Variants in TMEM25 observed in about 807,000 individuals in gnomAD.
TMEM25 encodes 0610039J01Rik.
TMEM25 carries 36 observed loss-of-function variants against 37.0 expected under a neutral mutation model. The ratio of observed to expected loss-of-function variants is 0.97; its 90% CI spans 0.75 to 1.28. The LOEUF is 1.28. Ranked by LOEUF, TMEM25 falls within the 50% of genes most tolerant of loss-of-function variation. The pLI is 0.00. For synonymous variants in TMEM25, 197 were observed against 203.7 expected, an observed-to-expected ratio of 0.97 and a Z score of 0.28; for missense variants, 444 against 477.9, an observed-to-expected ratio of 0.93 and a Z score of 0.66.
Position 118,534,192 on chromosome 11 carries a change from A to C in TMEM25, c.937+63A>C. The C allele has an allele frequency of 8.1e-6, 13 of 1,613,270 alleles. No homozygotes were observed. Among genetic ancestry groups the C allele is most frequent in the Non-Finnish European group, 1.0e-5 (12 of 1,179,350 alleles). Reference sequence around the variant, plus strand: ...TCCAGAAGTGCTTCTGAGAAAAAGAACTTGGTGCTTGGGAGGGGCGAGGCC... The same window carrying C: ...TCCAGAAGTGCTTCTGAGAAAAAGACCTTGGTGCTTGGGAGGGGCGAGGCC... On this transcript the variant is annotated intron_variant, in intron 7 of 8. Transcript: ENST00000313236. The surrounding 1 kb of genome is among the most constrained non-coding windows in gnomAD (Gnocchi z 4.6).
downstream of TMEM25, among the ~76,000 whole-genome samples, chr11:118,538,607 T>A (rs936947393): frequency 2.8e-4 from 43 of 151,924 alleles, no homozygotes; most frequent in African/African-American, 1.0e-3. Context: ...TTTTGAGAAA[T>A]GTCGGCCAGG....
rs782414212 is a variant in TMEM25, at chr11:118,533,047, A to G, written c.513A>G (p.Pro171=). 1 of 1,614,210 alleles carries G rather than the reference A, an allele frequency of 6.2e-7. No individual in the cohort carries two copies. Among genetic ancestry groups the G allele is most frequent in the Non-Finnish European group, 8.5e-7 (1 of 1,180,032 alleles). The change falls in exon 4 of 9, where the codon CCA becomes CCG. Residue 171 remains proline (P), a synonymous_variant. Coordinates refer to ENST00000313236, the MANE Select transcript of TMEM25 (RefSeq NM_032780.4). ...TCACCTGGATCGACCAGGATGGGCC[A>G]GTGACTGTCAACACCTCTGACTTCC... ...ANVTWIDQDG[P]VTVNTSDFLV... is the part of the protein sequence containing the mutation.
chr11:118,543,158 G>A (rs988903232), intron 8 of TMEM25, among the ~76,000 whole-genome samples: 10 of 152,146 alleles, frequency 6.6e-5, no homozygotes, highest in Admixed American at 3.3e-4. Flanking sequence ...CAGGAGAATC[G>A]CTTGAACCCG....
At position 118,535,611 on chromosome 11, in the gene TMEM25, A is replaced by G. The variant is rs1392554309; in HGVS notation, c.*1031A>G. On this transcript the variant is annotated 3_prime_UTR_variant, in exon 9 of 9. Coordinates refer to ENST00000313236, the MANE Select transcript of TMEM25 (RefSeq NM_032780.4). Reference sequence around the variant, plus strand: ...GATGGTCGCCACAGGCACATAATTCAACAGTGTGGAAGCTTTAGGGGAACA... The same window carrying G: ...GATGGTCGCCACAGGCACATAATTCGACAGTGTGGAAGCTTTAGGGGAACA... The G allele has an allele frequency of 6.5e-6, 10 of 1,529,318 alleles. No individual in the cohort carries two copies. Among genetic ancestry groups the G allele is most frequent in the Non-Finnish European group, 8.7e-6 (10 of 1,144,632 alleles). 94.7% of individuals were successfully genotyped at this position (1,529,318 alleles called of 1,614,324 possible).
At position 118,533,191 on chromosome 11, in the gene TMEM25, GT is replaced by G. The variant is rs1565333299; in HGVS notation, c.658del (p.Ser220ArgfsTer57). 1 of 1,598,492 alleles carries G rather than the reference GT, an allele frequency of 6.3e-7. No individual in the cohort carries two copies. Among genetic ancestry groups the G allele is most frequent in the East Asian group, 2.2e-5 (1 of 44,806 alleles). On this transcript the variant is annotated frameshift_variant, in exon 4 of 9. Transcript: ENST00000313236. LOFTEE classifies it high-confidence loss of function. Reference protein sequence around the residue: ...ATNDVGVTSASLPAPGLLATR... With the variant: ...ATNDVGVTSAXLPAPGLLATR... Reference sequence around the variant, plus strand: ...CCAATGACGTGGGTGTCACCAGTGCGTCGCTTCCAGCCCCAGGTGAGCATGG... The same window carrying G: ...CCAATGACGTGGGTGTCACCAGTGCGCGCTTCCAGCCCCAGGTGAGCATGG...
At chr11:118,538,325 C>T (rs932128840), downstream of TMEM25, among the ~76,000 whole-genome samples, 4 of 151,716 alleles carry the variant, frequency 2.6e-5, no homozygotes, top group Admixed American at 1.3e-4. Context: ...GCGTGCACCA[C>T]GCCTGGCTAA....
intron 1 of TMEM25, 185 bp downstream of exon 1, chr11:118,531,419 A>C: frequency 2.5e-6 from 1 of 404,682 alleles, no homozygotes. Flanking sequence ...GAATAGGATT[A>C]GGAGAAAGGC....
downstream of TMEM25, among the ~76,000 whole-genome samples, chr11:118,536,930 A>T (rs1343419070): frequency 6.6e-6 from 1 of 152,188 alleles, no homozygotes; most frequent in African/African-American, 2.4e-5. Flanking sequence ...GCTGGAGTGC[A>T]GTGGTGCAAT....
Position 118,534,020 on chromosome 11 carries a change from T to A in TMEM25, c.837-9T>A. 6.2e-7 allele frequency: 1 copy of A among 1,614,000 alleles called. No individual in the cohort carries two copies. The highest frequency in any genetic ancestry group is 1.1e-5 in the South Asian group (1 of 91,078). On this transcript the variant is annotated splice_polypyrimidine_tract_variant and intron_variant, in intron 6 of 8. Transcript: ENST00000313236. The surrounding 1 kb of genome is among the most constrained non-coding windows in gnomAD (Gnocchi z 4.6). ...CTCATATCCATCCCGAACTTTGTCC[T>A]CCCTGTAGTGACTCCAACAACCTAA... is the stretch of plus-strand genomic sequence containing the variant.
At position 118,532,162 on chromosome 11, in the gene TMEM25, T is replaced by C. The variant is rs782729825; in HGVS notation, c.83T>C (p.Leu28Ser). ...PALLSSGWGE[L>S]EPQIDGQTWA... ...TGCTGTGTTCCAGGTTGGGGGGAGT[T>C]GGAGCCACAAATAGATGGTCAGACC... The change falls in exon 3 of 9, where the codon TTG becomes TCG. Residue 28 changes from leucine to serine, a missense_variant. By Grantham distance (145) the Leu-to-Ser change is moderately radical. Coordinates refer to ENST00000313236, the MANE Select transcript of TMEM25 (RefSeq NM_032780.4). The C allele has an allele frequency of 5.7e-6, 9 of 1,568,514 alleles. No homozygotes were observed. In the Admixed American group the frequency reaches 8.8e-5, roughly 15 times the overall value.
At chr11:118,535,856 T>C (rs781898639), downstream of TMEM25, 138 of 1,155,076 alleles carry the variant, frequency 1.2e-4, no homozygotes, top group Non-Finnish European at 1.3e-4. Flanking sequence ...TCATTTCTTC[T>C]ATTAATATGT....
Position 118,545,974 on chromosome 11 carries a change from T to C in TMEM25, c.1028-145T>C, listed in dbSNP as rs1440138585. ...ACACAGGTTATGGGCTGAAATGTGT[T>C]CCCCTAAAATTCAGATATTGAGTTC... On this transcript the variant is annotated intron_variant, in intron 8 of 8. Coordinates refer to the TMEM25 transcript ENST00000354284. 173 of 819,128 alleles carry C rather than the reference T, an allele frequency of 2.1e-4. 3 individuals carry two copies. The highest frequency in any genetic ancestry group is 1.7e-3 in the South Asian group (120 of 71,376). The allele number at this position is 819,128 out of a possible 1,614,324, so 50.7% of individuals were successfully genotyped here.
At chr11:118,532,543 C>A in intron 3 of TMEM25, 82 bp downstream of exon 3, 1 of 1,469,172 alleles carries the variant, frequency 6.8e-7, no homozygotes, top group South Asian at 1.3e-5. Context: ...GTCCGCAGGA[C>A]ATTTAGCAGA....
intron 3 of TMEM25, 22 bp from the exon 4 acceptor site, chr11:118,532,895 A>G: frequency 6.2e-7 from 1 of 1,601,144 alleles, no homozygotes; most frequent in Non-Finnish European, 8.5e-7. Context: ...GTGAGAGCAT[A>G]TTGGCCTCTG....
chr11:118,532,811 C>A, intron 3 of TMEM25, 106 bp from the exon 4 acceptor site: 1 of 1,467,188 alleles, frequency 6.8e-7, no homozygotes, highest in Admixed American at 2.1e-5. Context: ...TCAGCATCCC[C>A]TCTGAGGAGA....
rs986498045 is a variant in TMEM25, at chr11:118,532,794, C to G, written c.383-123C>G. The G allele has an allele frequency of 4.3e-5, 60 of 1,380,488 alleles. No homozygotes were observed. The South Asian group carries it at 8.2e-4, about 19-fold the overall frequency. The allele number at this position is 1,380,488 out of a possible 1,614,324, so 85.5% of individuals were successfully genotyped here. A position where few individuals can be genotyped will look rare whatever the true frequency, so the allele number is the denominator to read the frequency against. On this transcript the variant is annotated intron_variant, in intron 3 of 8. Coordinates refer to ENST00000313236, the MANE Select transcript of TMEM25 (RefSeq NM_032780.4). ...TGCCTCTCTGGCAGACCCAGCCATCCTGTTCCTCAGCATCCCCTCTGAGGA... is the reference window on the plus strand; with the variant it reads ...TGCCTCTCTGGCAGACCCAGCCATCGTGTTCCTCAGCATCCCCTCTGAGGA...
intron 8 of TMEM25, among the ~76,000 whole-genome samples, chr11:118,541,068 C>G (rs1555065191): frequency 6.6e-6 from 1 of 152,142 alleles, no homozygotes; most frequent in African/African-American, 2.4e-5. Flanking sequence ...AAAACACTTA[C>G]ACGAGGATGA....
chr11:118,537,244 G>A (rs1220800536), downstream of TMEM25, among the ~76,000 whole-genome samples: 1 of 152,124 alleles, frequency 6.6e-6, no homozygotes, highest in African/African-American at 2.4e-5. Flanking sequence ...GGGAGGCTGA[G>A]GCAGGAGAAA....
rs1555062904 is a variant in TMEM25, at chr11:118,535,566, G to A, written c.*986G>A. 1 of 1,535,872 alleles carries A rather than the reference G, an allele frequency of 6.5e-7. No homozygotes were observed. ...CCAACCCATGGTTGCCTCATCAGCA[G>A]GAAGGTGCCCTTCCTGGAGGATGGT... On this transcript the variant is annotated 3_prime_UTR_variant, in exon 9 of 9. Transcript: ENST00000313236.
Sources: gnomAD v4.1 joint callset for allele counts (sites outside exome capture counted in the v4.1 genomes callset) on GRCh38, gnomAD v4.1.1 for gene constraint, Gnocchi (gnomAD v3.1) non-coding constraint, MANE v1.5 for transcripts, NCBI Gene and HGNC (gene_info 2026-07-23, HGNC 2026-07-21) for gene names.